Variants in MXRA8 observed in about 807,000 individuals in gnomAD.
MXRA8 encodes matrix remodeling-associated protein 8.
A neutral mutation model predicts 51.4 loss-of-function variants in MXRA8; 44 were observed. The ratio of observed to expected loss-of-function variants is 0.86; its 90% CI spans 0.67 to 1.10. MXRA8 has a LOEUF of 1.10. MXRA8 is among the 50% of genes least tolerant of loss of function. The pLI is 0.00. For synonymous variants in MXRA8, 369 were observed against 293.5 expected, an observed-to-expected ratio of 1.26 and a Z score of -2.63; for missense variants, 765 against 638.9, an observed-to-expected ratio of 1.20 and a Z score of -2.13.
At chr1:1,360,665 C>T (rs1644210052), upstream of MXRA8, among the ~76,000 whole-genome samples, 2 of 152,222 alleles carry the variant, frequency 1.3e-5, no homozygotes, top group Admixed American at 6.5e-5. Flanking sequence ...CCTAGCCCCA[C>T]CTCTGGGGGT....
chr1:1,353,352 C>T lies in MXRA8; in HGVS notation c.*252G>A. The T allele has an allele frequency of 6.5e-7, 1 of 1,548,526 alleles. No individual in the cohort carries two copies. Among genetic ancestry groups the T allele is most frequent in the Non-Finnish European group, 8.7e-7 (1 of 1,145,972 alleles). ...AAGGGTCTGAGGGCATGATGGGCAT[C>T]AGTGGGATTTTGGTTGTGCCAGGGG... On this transcript the variant is annotated 3_prime_UTR_variant, in exon 10 of 10. Transcript: ENST00000309212.
chr1:1,359,713 G>GACCCC (rs200418481), upstream of MXRA8, among the ~76,000 whole-genome samples: 2 of 152,270 alleles, frequency 1.3e-5, no homozygotes, highest in South Asian at 4.1e-4. Context: ...AAGGACAGAA[G>GACCCC]ACCCCACCCC....
At position 1,355,521 on chromosome 1, in the gene MXRA8, G is replaced by T; in HGVS notation, c.305C>A (p.Ala102Glu). ...YSAGEQRVYE[A>E]RDRGRLELSA... ...GAGCTCCAGGCGGCCGCGGTCCCGCGCCTCGTACACGCGCTGCTCGCCCGC... is the reference window on the plus strand; with the variant it reads ...GAGCTCCAGGCGGCCGCGGTCCCGCTCCTCGTACACGCGCTGCTCGCCCGC... Residue 102 changes from alanine (A) to glutamate (E), a missense_variant, in exon 3 of 10, where the codon GCG (alanine) becomes GAG (glutamate). Coordinates refer to ENST00000309212, the MANE Select transcript of MXRA8 (RefSeq NM_032348.4). 6.7e-7 allele frequency: 1 copy of T among 1,500,592 alleles called. No homozygotes were observed. The highest frequency in any genetic ancestry group is 1.3e-5 in the South Asian group (1 of 79,882). The allele number at this position is 1,500,592 out of a possible 1,614,324, so 93.0% of individuals were successfully genotyped here. A position where few individuals can be genotyped will look rare whatever the true frequency, so the allele number is the denominator to read the frequency against.
In MXRA8 at chr1:1,354,837, G is replaced by A. The variant is rs1164670671; in HGVS notation, c.794C>T (p.Ala265Val). Reference protein sequence around the residue: ...FSLRIEPLEVADEGTYSCHLH... With the variant: ...FSLRIEPLEVVDEGTYSCHLH... The stretch of plus-strand genomic sequence containing the variant: ...GTGGCAGGAGTAGGTGCCCTCGTCG[G>A]CGACCTCCAGCGGCTCGATACGCAG... The change falls in exon 5 of 10, where the codon GCC becomes GTC. Residue 265 changes from alanine (A) to valine (V), a missense_variant. Physicochemically the swap from Ala to Val is moderately conservative, Grantham distance 64 (BLOSUM62 0). Coordinates refer to ENST00000309212, the MANE Select transcript of MXRA8 (RefSeq NM_032348.4). The A allele has an allele frequency of 8.7e-6, 14 of 1,612,058 alleles. No homozygotes were observed. The highest frequency in any genetic ancestry group is 1.2e-5 in the Non-Finnish European group (14 of 1,179,684).
Position 1,353,031 on chromosome 1 carries a change from T to G in MXRA8, c.*573A>C, listed in dbSNP as rs1644033912. 2 of 574,638 alleles carry G rather than the reference T, an allele frequency of 3.5e-6. No individual in the cohort carries two copies. Among genetic ancestry groups the G allele is most frequent in the Admixed American group, 3.2e-5 (1 of 31,098 alleles). 35.6% of individuals were successfully genotyped at this position (574,638 alleles called of 1,614,324 possible). A position where few individuals can be genotyped will look rare whatever the true frequency, so the allele number is the denominator to read the frequency against. ...AAGGGCTGGCATTCAAGTCAGCAGG[T>G]CCCTGGGGAGAACAGATGGTGCCTG... On this transcript the variant is annotated 3_prime_UTR_variant, in exon 10 of 10. Transcript: ENST00000309212.
Position 1,353,186 on chromosome 1 carries a change from G to A in MXRA8, c.*418C>T. 4 of 1,142,968 alleles carry A rather than the reference G, an allele frequency of 3.5e-6. No homozygotes were observed. The highest frequency in any genetic ancestry group is 1.3e-5 in the South Asian group (1 of 74,546). The allele number at this position is 1,142,968 out of a possible 1,614,324, so 70.8% of individuals were successfully genotyped here. On this transcript the variant is annotated 3_prime_UTR_variant, in exon 10 of 10. Coordinates refer to ENST00000309212, the MANE Select transcript of MXRA8 (RefSeq NM_032348.4). ...TTCTGATGGGAGTGTCCTCCTCCAG[G>A]AACATCTCCCAGCCCCCGACGAGCA...
At chr1:1,355,810 G>A (rs1644116012) in intron 2 of MXRA8, 58 bp from the exon 3 acceptor site, 3 of 864,040 alleles carry the variant, frequency 3.5e-6, no homozygotes, top group Non-Finnish European at 4.4e-6. Context: ...CCCTGGTTGG[G>A]GGAGTCAGTG....
rs1043256386 is a variant in MXRA8, at chr1:1,353,434, G to T, written c.*170C>A. 4.0e-6 allele frequency: 6 copies of T among 1,511,380 alleles called. No homozygotes were observed. Among genetic ancestry groups the T allele is most frequent in the South Asian group, 1.2e-5 (1 of 80,016 alleles). 93.6% of individuals were successfully genotyped at this position (1,511,380 alleles called of 1,614,324 possible). ...GGGGTGGGGGCTATGCTGCCACCAAGCCCCTGGGAGAGGGGTGTGGAGGCG... is the reference window on the plus strand; with the variant it reads ...GGGGTGGGGGCTATGCTGCCACCAATCCCCTGGGAGAGGGGTGTGGAGGCG... On this transcript the variant is annotated 3_prime_UTR_variant, in exon 10 of 10. Coordinates refer to ENST00000309212, the MANE Select transcript of MXRA8 (RefSeq NM_032348.4).
Position 1,353,436 on chromosome 1 carries a change from C to T in MXRA8, c.*168G>A. On this transcript the variant is annotated 3_prime_UTR_variant, in exon 10 of 10. Transcript: ENST00000309212. ...GGTGGGGGCTATGCTGCCACCAAGC[C>T]CCTGGGAGAGGGGTGTGGAGGCGGC... The T allele has an allele frequency of 6.6e-7, 1 of 1,510,770 alleles. No individual in the cohort carries two copies. The highest frequency in any genetic ancestry group is 1.3e-5 in the South Asian group (1 of 79,926). The allele number at this position is 1,510,770 out of a possible 1,614,324, so 93.6% of individuals were successfully genotyped here.
chr1:1,360,310 C>T (rs1397047193), upstream of MXRA8, among the ~76,000 whole-genome samples: 1 of 152,244 alleles, frequency 6.6e-6, no homozygotes, highest in Non-Finnish European at 1.5e-5. Context: ...CCATGGGGCC[C>T]TGGGCAAGGA....
chr1:1,358,496 C>T lies in MXRA8; in HGVS notation c.9G>A (p.Leu3=). MA[L]PSRILLWKLV... ...GTTTCCAAAGCAGGATTCGGGATGG[C>T]AGCGCCATGGCCCCCGCCCAGCCCC... Residue 3 remains leucine, a synonymous_variant, in exon 1 of 10, where the codon CTG becomes CTA. Transcript: ENST00000309212. 1 of 1,613,300 alleles carries T rather than the reference C, an allele frequency of 6.2e-7. No homozygotes were observed. Among genetic ancestry groups the T allele is most frequent in the East Asian group, 2.2e-5 (1 of 44,812 alleles).
chr1:1,355,470 T>G lies in MXRA8; in HGVS notation c.356A>C (p.Asn119Thr). 1 of 1,509,476 alleles carries G rather than the reference T, an allele frequency of 6.6e-7. No individual in the cohort carries two copies. The highest frequency in any genetic ancestry group is 2.7e-5 in the East Asian group (1 of 36,890). The allele number at this position is 1,509,476 out of a possible 1,614,324, so 93.5% of individuals were successfully genotyped here. A position where few individuals can be genotyped will look rare whatever the true frequency, so the allele number is the denominator to read the frequency against. ...ELSASAFDDG[N>T]FSLLIRAVEE... is the part of the protein sequence containing the mutation. ...CGCACCGCGGATGAGCAGCGAGAAG[T>G]TGCCGTCGTCGAAGGCCGAGGCCGA... The change falls in exon 3 of 10, where the codon AAC becomes ACC. Residue 119 changes from asparagine (N) to threonine (T), a missense_variant. Transcript: ENST00000309212.
chr1:1,355,681 G>A lies in MXRA8; in HGVS notation c.145C>T (p.Arg49Trp), dbSNP rs1644111158. 7.4e-7 allele frequency: 1 copy of A among 1,356,968 alleles called. No homozygotes were observed. Among genetic ancestry groups the A allele is most frequent in the Non-Finnish European group, 9.4e-7 (1 of 1,061,022 alleles). 84.1% of individuals were successfully genotyped at this position (1,356,968 alleles called of 1,614,324 possible). A position where few individuals can be genotyped will look rare whatever the true frequency, so the allele number is the denominator to read the frequency against. ...GGGCTCTGGCAGCGCAGCACCGCCC[G>A]GGCGCCCGCCTCCCAGCTCACCGCG... is the stretch of plus-strand genomic sequence containing the variant. ...ESAVSWEAGARAVLRCQSPRM... is the reference protein window; with the variant it reads ...ESAVSWEAGAWAVLRCQSPRM... Residue 49 changes from arginine to tryptophan, a missense_variant, in exon 3 of 10, where the codon CGG (arginine) becomes TGG (tryptophan). Transcript: ENST00000309212.
In MXRA8 at chr1:1,355,310, T is replaced by A; in HGVS notation, c.412A>T (p.Asn138Tyr). The change falls in exon 4 of 10, where the codon AAC becomes TAC. Residue 138 changes from asparagine to tyrosine, a missense_variant. By Grantham distance (143) the Asn-to-Tyr change is moderately radical. Transcript: ENST00000309212. ...EETDAGLYTC[N>Y]LHHHYCHLYE... ...AGGTGGCAGTAGTGATGGTGCAGGTTGCAGGTGTACAGCCCCGCGTCCGTC... is the reference window on the plus strand; with the variant it reads ...AGGTGGCAGTAGTGATGGTGCAGGTAGCAGGTGTACAGCCCCGCGTCCGTC... 6.3e-7 allele frequency: 1 copy of A among 1,580,562 alleles called. No homozygotes were observed. Among genetic ancestry groups the A allele is most frequent in the Non-Finnish European group, 8.6e-7 (1 of 1,166,700 alleles).
At chr1:1,353,737 A>T in intron 9 of MXRA8, 108 bp from the exon 10 acceptor site, 1 of 1,464,200 alleles carries the variant, frequency 6.8e-7, no homozygotes, top group Non-Finnish European at 9.2e-7. Context: ...TCTGAGCCTG[A>T]GGTGGCAGGG....
In MXRA8 at chr1:1,354,508, G is replaced by A; in HGVS notation, c.951C>T (p.Asp317=). ...CGTTGTGGCCGCGCGCCAGTGTGGG[G>A]TCTGCGGGGAACGCGGGGTCGGGGC... The part of the protein sequence containing the change: ...GSSHSGAPGP[D]PTLARGHNVI... Residue 317 remains aspartate (D), a splice_region_variant and synonymous_variant, in exon 6 of 10, where the codon GAC becomes GAT. Transcript: ENST00000309212. 1 of 1,611,182 alleles carries A rather than the reference G, an allele frequency of 6.2e-7. No homozygotes were observed. The highest frequency in any genetic ancestry group is 8.5e-7 in the Non-Finnish European group (1 of 1,179,212).
chr1:1,358,314 G>A (rs558895977), intron 1 of MXRA8, 142 bp downstream of exon 1: 37 of 885,962 alleles, frequency 4.2e-5, no homozygotes, highest in Non-Finnish European at 5.5e-5. Context: ...CGGCTCTCCC[G>A]AGCGCCCCCA....
At chr1:1,356,813 A>AAGT in intron 1 of MXRA8, 109 bp from the exon 2 acceptor site, 1 of 967,446 alleles carries the variant, frequency 1.0e-6, no homozygotes, top group Non-Finnish European at 1.4e-6. Flanking sequence ...GGATGCTGTG[A>AAGT]CACCCACTTC....
At chr1:1,357,701 T>G (rs1222750048) in intron 1 of MXRA8, among the ~76,000 whole-genome samples, 3 of 152,144 alleles carry the variant, frequency 2.0e-5, no homozygotes, top group Non-Finnish European at 4.4e-5. Flanking sequence ...TCCCAGCTAC[T>G]TGGGAGGCCG....
Sources: allele counts gnomAD v4.1 joint callset (sites outside exome capture counted in the v4.1 genomes callset), GRCh38; gene constraint gnomAD v4.1.1; transcripts MANE v1.5; gene names NCBI Gene and HGNC (gene_info 2026-07-23, HGNC 2026-07-21).